Variants in OR4K1 observed in about 807,000 individuals in gnomAD.
OR4K1 encodes olfactory receptor 4K1.
In OR4K1, 16 loss-of-function variants were observed where a neutral mutation model predicts 14.4. That is an observed-to-expected ratio of 1.11 (90% CI 0.75 to 1.68). OR4K1 has a LOEUF of 1.68. OR4K1 is among the 40% of genes most tolerant of loss of function. The probability of loss-of-function intolerance (pLI) is 0.00; values close to 1 mark genes in which losing one functional copy is unlikely to be tolerated. For synonymous variants in OR4K1, 181 were observed against 133.1 expected (o/e 1.36, Z -2.48); for missense variants, 548 against 376.9 (o/e 1.45, Z -3.76).
At chr14:19,921,185 C>A in the OR4K1 span, 2 of 1,614,176 alleles carry the variant, frequency 1.2e-6, no homozygotes, top group Admixed American at 1.7e-5. Context: ...TGGACTCTTA[C>A]ATCATTGAAA....
the OR4K1 span, among the ~76,000 whole-genome samples, chr14:19,925,269 A>G: frequency 2.0e-5 from 3 of 152,172 alleles, no homozygotes; most frequent in Non-Finnish European, 2.9e-5. Flanking sequence ...TTATATTACT[A>G]TTTTTGACAT....
chr14:19,921,574 A>G, the OR4K1 span: 1 of 1,607,386 alleles, frequency 6.2e-7, no homozygotes, highest in Non-Finnish European at 8.5e-7. Flanking sequence ...ACTTCCTTTC[A>G]TTAAGACAAA....
chr14:19,932,434 C>T (rs140939636), intron 1 of OR4K1, among the ~76,000 whole-genome samples: 8 of 152,232 alleles, frequency 5.3e-5, no homozygotes, highest in Non-Finnish European at 7.4e-5. Flanking sequence ...TCTCCACTCC[C>T]GTGTAAATGC....
chr14:19,931,018 T>C lies in OR4K1; in HGVS notation c.-147T>C, dbSNP rs1480064164. ...GGAACCAAGTTAAAATGCATCAAGT[T>C]AAGATTATATTACAAATATTTTCAG... On this transcript the variant is annotated 5_prime_UTR_variant, in exon 1 of 2. Coordinates refer to ENST00000641172, the MANE Select transcript of OR4K1 (RefSeq NM_001004063.3). The C allele has an allele frequency of 6.6e-6, 1 of 152,038 alleles. No homozygotes were observed. The highest frequency in any genetic ancestry group is 2.4e-5 in the African/African-American group (1 of 41,376). The allele number at this position is 152,038 out of a possible 1,614,324, so 9.4% of individuals were successfully genotyped here.
chr14:19,924,764 T>C, the OR4K1 span, among the ~76,000 whole-genome samples: 1 of 152,270 alleles, frequency 6.6e-6, no homozygotes. Flanking sequence ...ATTGCAGCAC[T>C]ATTTCCACAA....
At chr14:19,921,552 C>G in the OR4K1 span, 1 of 1,612,598 alleles carries the variant, frequency 6.2e-7, no homozygotes, top group African/African-American at 1.3e-5. Flanking sequence ...TGAAATGTCA[C>G]TAGTAGTGAG....
At chr14:19,923,272 T>TTAGCC in the OR4K1 span, among the ~76,000 whole-genome samples, 1 of 152,256 alleles carries the variant, frequency 6.6e-6, no homozygotes, top group African/African-American at 2.4e-5. Flanking sequence ...ATGCATGTGT[T>TTAGCC]TAGCCCTGCA....
upstream of OR4K1, chr14:19,930,775 C>T (rs1882167167): frequency 6.6e-6 from 1 of 152,220 alleles, no homozygotes; most frequent in African/African-American, 2.4e-5. Context: ...TTTTGTAAAA[C>T]ATAATTACTC....
At chr14:19,925,494 T>A in the OR4K1 span, among the ~76,000 whole-genome samples, 1 of 152,290 alleles carries the variant, frequency 6.6e-6, no homozygotes, top group African/African-American at 2.4e-5. Flanking sequence ...TTAGGGGATT[T>A]GTTTATGGTA....
At chr14:19,933,299 A>G (rs77632627) in intron 1 of OR4K1, among the ~76,000 whole-genome samples, 430 of 152,252 alleles carry the variant, frequency 2.8e-3, no homozygotes, top group African/African-American at 1.0e-2. Context: ...TGCATTTAAT[A>G]GGCTTTCCAC....
At chr14:19,921,719 G>A in the OR4K1 span, 3 of 886,614 alleles carry the variant, frequency 3.4e-6, no homozygotes, top group African/African-American at 5.2e-5. Flanking sequence ...TCTTTTTCTA[G>A]GTATCAAGTG....
the OR4K1 span, among the ~76,000 whole-genome samples, chr14:19,925,748 G>A: frequency 2.6e-5 from 4 of 152,270 alleles, no homozygotes; most frequent in Admixed American, 2.0e-4. Context: ...ACAGAGAGAC[G>A]GTGTCATGGC....
upstream of OR4K1, among the ~76,000 whole-genome samples, chr14:19,930,297 C>T (rs768639156): frequency 6.6e-6 from 1 of 152,146 alleles, no homozygotes; most frequent in Non-Finnish European, 1.5e-5. Context: ...GGAATCTTAC[C>T]TTCAATTTTT....
chr14:19,935,506 G>C, intron 1 of OR4K1, 142 bp from the exon 2 acceptor site: 1 of 662,652 alleles, frequency 1.5e-6, no homozygotes, highest in Non-Finnish European at 2.5e-6. Flanking sequence ...TTAGTCAACT[G>C]AGTATTTACA....
rs1566503517 is a variant in OR4K1, at chr14:19,936,444, TGGCCTTTTA to T, written c.780_788del (p.Trp260_Ser263delinsCys). 6.2e-7 allele frequency: 1 copy of T among 1,614,136 alleles called. No individual in the cohort carries two copies. Among genetic ancestry groups the T allele is most frequent in the Non-Finnish European group, 8.5e-7 (1 of 1,180,038 alleles). On this transcript the variant is annotated inframe_deletion, in exon 2 of 2. Transcript: ENST00000641172. ...CGGGCCTTGCATTTATTTCTATATA[TGGCCTTTTA>T]GCAGACTTCCTGTGGACAAATTTCT...
chr14:19,932,288 T>C (rs563117734), intron 1 of OR4K1, among the ~76,000 whole-genome samples: 1 of 152,304 alleles, frequency 6.6e-6, no homozygotes, highest in Admixed American at 6.5e-5. Flanking sequence ...TTAATCATGT[T>C]TCATTCTCTT....
Position 19,935,665 on chromosome 14 carries a change from A to T in OR4K1, c.-2A>T. 1 of 1,587,364 alleles carries T rather than the reference A, an allele frequency of 6.3e-7. No homozygotes were observed. ...TTTTTTAGGTAACTGAATATTGGAT[A>T]CATGGCTCACACAAATGAATCGATG... On this transcript the variant is annotated 5_prime_UTR_variant, in exon 2 of 2. Transcript: ENST00000641172.
intron 1 of OR4K1, among the ~76,000 whole-genome samples, chr14:19,934,749 C>G (rs887458198): frequency 6.6e-6 from 1 of 152,054 alleles, no homozygotes; most frequent in African/African-American, 2.4e-5. Context: ...CGGCTCACTG[C>G]AACCTCCGCC....
chr14:19,931,853 T>C (rs372741332), intron 1 of OR4K1, among the ~76,000 whole-genome samples: 15 of 152,256 alleles, frequency 9.9e-5, no homozygotes, highest in African/African-American at 3.4e-4. Context: ...GCTGAAGGAA[T>C]GCTAACTTTT....
Sources: gnomAD v4.1 joint callset for allele counts (sites outside exome capture counted in the v4.1 genomes callset) on GRCh38, gnomAD v4.1.1 for gene constraint, MANE v1.5 for transcripts, NCBI Gene and HGNC (gene_info 2026-07-23, HGNC 2026-07-21) for gene names.